PCDHGA4: variants seen among roughly 807,000 people sequenced by gnomAD.
The protein encoded by PCDHGA4 is protocadherin gamma-A4.
A neutral mutation model predicts 54.6 loss-of-function variants in PCDHGA4; 38 were observed. The ratio of observed to expected loss-of-function variants is 0.70; its 90% CI spans 0.54 to 0.91. PCDHGA4 has a LOEUF of 0.91. Among genes scored for constraint, PCDHGA4 ranks in the 40% least tolerant of loss-of-function variants. The pLI is 0.00. For synonymous variants in PCDHGA4, 511 were observed against 512.9 expected, an observed-to-expected ratio of 1.00 and a Z score of 0.05; for missense variants, 1,298 against 1,220.9, an observed-to-expected ratio of 1.06 and a Z score of -0.94.
At chr5:141,450,836 T>A (rs991599340) in intron 1 of PCDHGA4, among the ~76,000 whole-genome samples, 2 of 149,760 alleles carry the variant, frequency 1.3e-5, no homozygotes, top group African/African-American at 4.9e-5. Flanking sequence ...ATTATTTTTT[T>A]TTTTTTGAGA....
chr5:141,418,946 G>T (rs2096305161), intron 1 of PCDHGA4: 1 of 1,613,900 alleles, frequency 6.2e-7, no homozygotes, highest in African/African-American at 1.3e-5. Context: ...TTCCCCTCCA[G>T]GAGTGGTTGT....
intron 1 of PCDHGA4, chr5:141,393,583 C>T: frequency 6.2e-7 from 1 of 1,613,930 alleles, no homozygotes. Flanking sequence ...AACATGCCCC[C>T]AGGCACGCGG....
At chr5:141,382,093 T>C (rs1420552886) in intron 1 of PCDHGA4, among the ~76,000 whole-genome samples, 1 of 152,090 alleles carries the variant, frequency 6.6e-6, no homozygotes, top group Non-Finnish European at 1.5e-5. Context: ...CCTCACAAAG[T>C]GTGGGATTAC....
rs1460072742 is a variant in PCDHGA4, at chr5:141,399,761, G to A, written c.2514+42140G>A. 3 of 1,613,238 alleles carry A rather than the reference G, an allele frequency of 1.9e-6. No individual in the cohort carries two copies. The highest frequency in any genetic ancestry group is 1.7e-4 in the Middle Eastern group (1 of 5,918). On this transcript the variant is annotated intron_variant, in intron 1 of 3. Transcript: ENST00000571252. The stretch of plus-strand genomic sequence containing the variant: ...GCGCTCAGCGCAAACGTGAGCCTGC[G>A]CGTGTTGGTGGGCGACCGAAACGAC...
rs1028054307 is a variant in PCDHGA4 at position 141,417,708 on chromosome 5, G to A, written c.2514+60087G>A. The A allele has an allele frequency of 2.4e-5, 29 of 1,227,762 alleles. No homozygotes were observed. In the South Asian group the frequency reaches 2.9e-4, roughly 12 times the overall value. 76.1% of individuals were successfully genotyped at this position (1,227,762 alleles called of 1,614,324 possible). On this transcript the variant is annotated intron_variant, in intron 1 of 3. Transcript: ENST00000571252. ...AAAGAAAACCAGCTCCCACACAGAG[G>A]CTCCCGGCTGCGCAGACCTTGCCCA... is the stretch of plus-strand genomic sequence containing the variant.
intron 1 of PCDHGA4, chr5:141,370,493 C>T: frequency 6.2e-7 from 1 of 1,613,944 alleles, no homozygotes; most frequent in Non-Finnish European, 8.5e-7. Flanking sequence ...CCGAACCGAT[C>T]CGCTACGCTA....
intron 1 of PCDHGA4, among the ~76,000 whole-genome samples, chr5:141,373,529 AG>A (rs1769656388): frequency 6.6e-6 from 1 of 152,196 alleles, no homozygotes; most frequent in African/African-American, 2.4e-5. Context: ...TCTCCAAAAA[AG>A]TGTTTGTGGT....
chr5:141,412,839 G>A, intron 1 of PCDHGA4: 1 of 203,324 alleles, frequency 4.9e-6, no homozygotes, highest in Admixed American at 5.8e-5. Context: ...TTAAAGATAG[G>A]AGTGGAGAAA....
chr5:141,457,422 TC>T (rs1038085994), intron 1 of PCDHGA4, among the ~76,000 whole-genome samples: 1 of 151,626 alleles, frequency 6.6e-6, no homozygotes, highest in African/African-American at 2.4e-5. Context: ...CATCCCTTTT[TC>T]CCCCCCACCA....
At chr5:141,378,585 G>A (rs758641960) in intron 1 of PCDHGA4, 1 of 152,188 alleles carries the variant, frequency 6.6e-6, no homozygotes, top group South Asian at 2.1e-4. Flanking sequence ...ATGCTCGGTA[G>A]TGTCTGCTTA....
chr5:141,404,159 A>C, intron 1 of PCDHGA4: 1 of 1,613,114 alleles, frequency 6.2e-7, no homozygotes, highest in South Asian at 1.1e-5. Flanking sequence ...AGATTATTAC[A>C]GATTGTTGAC....
chr5:141,380,433 A>C (rs1228885429), intron 1 of PCDHGA4, among the ~76,000 whole-genome samples: 1 of 152,256 alleles, frequency 6.6e-6, no homozygotes, highest in Non-Finnish European at 1.5e-5. Flanking sequence ...TAGACTTTAC[A>C]TAGAATTCTT....
chr5:141,412,902 T>G, intron 1 of PCDHGA4: 1 of 371,284 alleles, frequency 2.7e-6, no homozygotes, highest in East Asian at 4.2e-5. Flanking sequence ...TACTTTCCAT[T>G]GCATGTATCA....
At position 141,511,426 on chromosome 5, in the gene PCDHGA4, G is replaced by C. The variant is rs2099883789; in HGVS notation, c.*253G>C. 2.5e-6 allele frequency: 2 copies of C among 798,652 alleles called. No homozygotes were observed. The highest frequency in any genetic ancestry group is 3.8e-6 in the Non-Finnish European group (2 of 529,972). 49.5% of individuals were successfully genotyped at this position (798,652 alleles called of 1,614,324 possible). ...CAACTGCTGTACCCATGGGGGTAGTGGGGTTACTGTAGACACCAAGAACCA... is the reference window on the plus strand; with the variant it reads ...CAACTGCTGTACCCATGGGGGTAGTCGGGTTACTGTAGACACCAAGAACCA... On this transcript the variant is annotated 3_prime_UTR_variant, in exon 4 of 4. Transcript: ENST00000571252.
chr5:141,400,233 C>G (rs373858401), intron 1 of PCDHGA4: 21 of 1,613,872 alleles, frequency 1.3e-5, no homozygotes, highest in Non-Finnish European at 1.8e-5. Context: ...TCCTCCTGGC[C>G]GTGATTCTGG....
intron 2 of PCDHGA4, among the ~76,000 whole-genome samples, chr5:141,497,879 G>T (rs62379207): frequency 2.0e-5 from 3 of 152,128 alleles, no homozygotes; most frequent in Admixed American, 6.5e-5. Flanking sequence ...TGAAATAAGC[G>T]TTAGGATCTA....
In PCDHGA4 at chr5:141,370,930, CTT is replaced by C. The variant is rs762522894; in HGVS notation, c.2514+13311_2514+13312del. Reference sequence around the variant, plus strand: ...TACCTCAGCCCTGATCCGCACTTCTCTTTGATTCAGAAGGAGAACCTGGATGG... The same window carrying C: ...TACCTCAGCCCTGATCCGCACTTCTCTGATTCAGAAGGAGAACCTGGATGG... On this transcript the variant is annotated intron_variant, in intron 1 of 3. Transcript: ENST00000571252. The C allele has an allele frequency of 1.1e-5, 18 of 1,613,894 alleles. No homozygotes were observed. In the African/African-American group the frequency reaches 2.1e-4, roughly 19 times the overall value.
chr5:141,489,165 G>T lies in PCDHGA4; in HGVS notation c.2515-5642G>T. ...GAAGGAGACATAAGAGACTTCAGCT[G>T]CTGCATTCCAAGCCCTGGGTCTACC... On this transcript the variant is annotated intron_variant, in intron 1 of 3. Coordinates refer to ENST00000571252, the MANE Select transcript of PCDHGA4 (RefSeq NM_018917.4). This position sits in a 1 kb window ranked among gnomAD's most constrained non-coding sequence, Gnocchi z 4.5. 9.2e-7 allele frequency: 1 copy of T among 1,082,084 alleles called. No homozygotes were observed. Among genetic ancestry groups the T allele is most frequent in the Non-Finnish European group, 1.3e-6 (1 of 745,856 alleles). 67.0% of individuals were successfully genotyped at this position (1,082,084 alleles called of 1,614,324 possible).
chr5:141,397,332 A>G (rs1246653356), intron 1 of PCDHGA4, among the ~76,000 whole-genome samples: 1 of 152,234 alleles, frequency 6.6e-6, no homozygotes, highest in Non-Finnish European at 1.5e-5. Flanking sequence ...AATTATTTTT[A>G]TAAAGAATGT....
Sources: gnomAD v4.1 joint callset for allele counts (sites outside exome capture counted in the v4.1 genomes callset) on GRCh38, gnomAD v4.1.1 for gene constraint, Gnocchi (gnomAD v3.1) non-coding constraint, MANE v1.5 for transcripts, NCBI Gene and HGNC (gene_info 2026-07-23, HGNC 2026-07-21) for gene names.